Variants in SAMD5 observed in about 807,000 individuals in gnomAD.
The protein encoded by SAMD5 is sterile alpha motif domain-containing protein 5.
A neutral mutation model predicts 11.3 loss-of-function variants in SAMD5; 13 were observed. The ratio of observed to expected loss-of-function variants is 1.15; its 90% CI spans 0.75 to 1.83. The LOEUF (loss-of-function observed/expected upper bound fraction) is 1.83, where lower values mean the gene tolerates loss of function less well. Among genes scored for constraint, SAMD5 ranks in the 40% most tolerant of loss-of-function variants. The pLI, the probability that SAMD5 is intolerant of heterozygous loss-of-function variation, is 0.00. For synonymous variants in SAMD5, 129 were observed against 111.3 expected, an observed-to-expected ratio of 1.16 and a Z score of -1.00; for missense variants, 255 against 239.1, an observed-to-expected ratio of 1.07 and a Z score of -0.44.
At position 147,569,667 on chromosome 6, in the gene SAMD5, C is replaced by A; in HGVS notation, c.*5211C>A. The A allele has an allele frequency of 1.0e-6, 1 of 985,312 alleles. No individual in the cohort carries two copies. The highest frequency in any genetic ancestry group is 1.2e-6 in the Non-Finnish European group (1 of 829,854). 61.0% of individuals were successfully genotyped at this position (985,312 alleles called of 1,614,324 possible). A position where few individuals can be genotyped will look rare whatever the true frequency, so the allele number is the denominator to read the frequency against. On this transcript the variant is annotated 3_prime_UTR_variant, in exon 2 of 2. Coordinates refer to ENST00000367474, the MANE Select transcript of SAMD5 (RefSeq NM_001030060.3). ...TGTTCATTGCACTTGTTGCCCTGTT[C>A]CCCAAGCTTGTCAATGTTTAGAGAT... is the stretch of plus-strand genomic sequence containing the variant.
the SAMD5 span, among the ~76,000 whole-genome samples, chr6:147,844,580 G>C: frequency 5.3e-4 from 81 of 151,932 alleles, no homozygotes; most frequent in African/African-American, 1.9e-3. Context: ...CAAAATATGG[G>C]AACAACCTAC....
At chr6:147,634,251 G>T (rs948629576) in intron 1 of SAMD5, among the ~76,000 whole-genome samples, 1 of 152,152 alleles carries the variant, frequency 6.6e-6, no homozygotes, top group East Asian at 1.9e-4. Flanking sequence ...AGCTGGGGAG[G>T]CCTTAGGAAA....
the SAMD5 span, among the ~76,000 whole-genome samples, chr6:147,831,204 A>G: frequency 6.6e-6 from 1 of 152,254 alleles, no homozygotes; most frequent in African/African-American, 2.4e-5. Context: ...AAAACAAAAA[A>G]AGATATTTAT....
rs571248849 is a variant in SAMD5, at chr6:147,622,172, C to T, written c.162+112785C>T. On this transcript the variant is annotated intron_variant, in intron 1 of 1. Transcript: ENST00000566741. Reference sequence around the variant, plus strand: ...GTGAGGAATTGGTTCCAGGACCCCCCACTGTGGATACCAAAATCCTCAGAT... The same window carrying T: ...GTGAGGAATTGGTTCCAGGACCCCCTACTGTGGATACCAAAATCCTCAGAT... Among the ~76,000 whole-genome samples, 3 of 152,256 alleles carry T rather than the reference C, an allele frequency of 2.0e-5. No individual in the cohort carries two copies. The East Asian group carries it at 5.8e-4, about 29-fold the overall frequency.
intron 1 of SAMD5, among the ~76,000 whole-genome samples, chr6:147,536,707 C>T (rs910285621): frequency 2.6e-5 from 4 of 152,006 alleles, no homozygotes; most frequent in Non-Finnish European, 4.4e-5. Flanking sequence ...TTGGTTACTT[C>T]TGTGGCATGC....
the SAMD5 span, among the ~76,000 whole-genome samples, chr6:147,904,729 C>A: frequency 6.6e-6 from 1 of 152,132 alleles, no homozygotes. Context: ...TTCCCGCTTG[C>A]GGTTGCCAGC....
chr6:147,635,813 A>C (rs901053083), intron 1 of SAMD5, among the ~76,000 whole-genome samples: 1 of 152,206 alleles, frequency 6.6e-6, no homozygotes, highest in African/African-American at 2.4e-5. Context: ...AGCCGATTTG[A>C]AACAACCCCT....
intron 1 of SAMD5, among the ~76,000 whole-genome samples, chr6:147,619,167 C>T (rs966066508): frequency 1.3e-5 from 2 of 152,150 alleles, no homozygotes; most frequent in East Asian, 1.9e-4. Context: ...TGGGCAGGGC[C>T]GTGACGTGCA....
the SAMD5 span, among the ~76,000 whole-genome samples, chr6:147,934,458 A>T: frequency 6.6e-6 from 1 of 152,118 alleles, no homozygotes; most frequent in Non-Finnish European, 1.5e-5. Context: ...TGACTAGGTC[A>T]GGTGTGTGTG....
the SAMD5 span, among the ~76,000 whole-genome samples, chr6:147,800,557 C>G: frequency 2.6e-5 from 4 of 152,262 alleles, no homozygotes; most frequent in Admixed American, 6.5e-5. Flanking sequence ...GTGGAGCCTA[C>G]AGAGGCAGGC....
At chr6:147,725,205 C>T (rs1447405819) in intron 1 of SAMD5, among the ~76,000 whole-genome samples, 1 of 152,088 alleles carries the variant, frequency 6.6e-6, no homozygotes, top group Non-Finnish European at 1.5e-5. Context: ...CGTTTTTAAT[C>T]AGTTGGGGGA....
the SAMD5 span, among the ~76,000 whole-genome samples, chr6:147,890,578 C>T: frequency 6.6e-6 from 1 of 152,058 alleles, no homozygotes. Flanking sequence ...AGGCTGGTCT[C>T]AAGCTCCTGA....
the SAMD5 span, among the ~76,000 whole-genome samples, chr6:147,902,775 CT>C: frequency 6.6e-6 from 1 of 152,152 alleles, no homozygotes; most frequent in Admixed American, 6.5e-5. Flanking sequence ...CTTCTTAAAA[CT>C]TTTTCTGTTC....
At chr6:147,687,581 C>A (rs143385045) in intron 1 of SAMD5, among the ~76,000 whole-genome samples, 2 of 152,248 alleles carry the variant, frequency 1.3e-5, no homozygotes, top group African/African-American at 4.8e-5. Context: ...TCATTTACCC[C>A]TGACTGAGGA....
At chr6:147,868,174 T>G in the SAMD5 span, among the ~76,000 whole-genome samples, 1 of 152,186 alleles carries the variant, frequency 6.6e-6, no homozygotes, top group Admixed American at 6.6e-5. Context: ...TGAAGGTAAA[T>G]GTGCAGGGAA....
the SAMD5 span, among the ~76,000 whole-genome samples, chr6:147,803,814 C>T: frequency 6.6e-6 from 1 of 152,196 alleles, no homozygotes; most frequent in Non-Finnish European, 1.5e-5. Context: ...TTAGGGTCTT[C>T]CTCCAGCCTT....
the SAMD5 span, among the ~76,000 whole-genome samples, chr6:147,766,104 G>GAAA: frequency 7.8e-6 from 1 of 127,912 alleles, no homozygotes. Context: ...AGCAATGGAA[G>GAAA]AAAAAAAAAA....
chr6:147,723,335 C>G (rs181524840), intron 1 of SAMD5, among the ~76,000 whole-genome samples: 1 of 152,202 alleles, frequency 6.6e-6, no homozygotes, highest in African/African-American at 2.4e-5. Context: ...GCATTTCCTA[C>G]ACCCCTCCAC....
chr6:147,899,825 G>C, the SAMD5 span, among the ~76,000 whole-genome samples: 3 of 152,130 alleles, frequency 2.0e-5, no homozygotes, highest in African/African-American at 7.2e-5. Context: ...AGTTAGAAGA[G>C]CTCACACTCT....
Sources: gnomAD v4.1 joint callset for allele counts (sites outside exome capture counted in the v4.1 genomes callset) on GRCh38, gnomAD v4.1.1 for gene constraint, MANE v1.5 for transcripts, NCBI Gene and HGNC (gene_info 2026-07-23, HGNC 2026-07-21) for gene names.